The following ATP8A2 variants were observed in gnomAD, a reference collection of about 807,000 sequenced individuals.
ATP8A2 encodes phospholipid-transporting ATPase IB.
A neutral mutation model predicts 165.6 loss-of-function variants in ATP8A2; 100 were observed. The observed-to-expected ratio is 0.60, with a 90% confidence interval of 0.51 to 0.71. The LOEUF is 0.71. Ranked by LOEUF, ATP8A2 falls within the 30% of genes least tolerant of loss-of-function variation. The pLI is 0.00. For synonymous variants in ATP8A2, 543 were observed against 548.8 expected (o/e 0.99, Z 0.15); for missense variants, 1,227 against 1,479.5 (o/e 0.83, Z 2.80).
At chr13:25,794,007 T>C (rs111998180) in intron 27 of ATP8A2, among the ~76,000 whole-genome samples, 2 of 152,134 alleles carry the variant, frequency 1.3e-5, no homozygotes, top group African/African-American at 4.8e-5. Flanking sequence ...GAGAAGGAGG[T>C]AATCGTCATC....
In ATP8A2 at chr13:25,814,203, A is replaced by G. The variant is rs114330110; in HGVS notation, c.2680-13915A>G. Among the ~76,000 whole-genome samples the G allele has an allele frequency of 5.8e-3, 888 of 152,276 alleles. 11 individuals carry two copies. The highest frequency in any genetic ancestry group is 0.02 in the African/African-American group (826 of 41,558). On this transcript the variant is annotated intron_variant, in intron 27 of 36. Transcript: ENST00000381655. Reference sequence around the variant, plus strand: ...TATTTAGAATCCATTAGCCACATTAAAAAGTGATGTAAATTTATTTTATAG... The same window carrying G: ...TATTTAGAATCCATTAGCCACATTAGAAAGTGATGTAAATTTATTTTATAG...
chr13:25,991,489 A>G (rs2139290965), intron 35 of ATP8A2, among the ~76,000 whole-genome samples: 1 of 152,304 alleles, frequency 6.6e-6, no homozygotes, highest in East Asian at 1.9e-4. Flanking sequence ...GTGCTTTTAT[A>G]GGTACCCCTA....
chr13:25,549,849 T>C (rs975832720), intron 10 of ATP8A2, among the ~76,000 whole-genome samples: 1 of 152,220 alleles, frequency 6.6e-6, no homozygotes, highest in African/African-American at 2.4e-5. Flanking sequence ...ATCATTTCTC[T>C]GTCTCCACCT....
At chr13:25,823,401 C>A (rs555854408) in intron 27 of ATP8A2, among the ~76,000 whole-genome samples, 3 of 152,038 alleles carry the variant, frequency 2.0e-5, no homozygotes, top group African/African-American at 7.2e-5. Flanking sequence ...TGGATTTTAT[C>A]TTTTTACCCA....
At chr13:25,476,608 T>C (rs570432170) in intron 2 of ATP8A2, among the ~76,000 whole-genome samples, 2 of 152,234 alleles carry the variant, frequency 1.3e-5, no homozygotes, top group East Asian at 3.9e-4. Flanking sequence ...ACTTTTTTGG[T>C]TTATGTAAAG....
At chr13:25,472,454 A>G (rs2035874380) in intron 2 of ATP8A2, among the ~76,000 whole-genome samples, 1 of 152,094 alleles carries the variant, frequency 6.6e-6, no homozygotes, top group African/African-American at 2.4e-5. Flanking sequence ...AGGATTTGAG[A>G]AAACGTCGAG....
intron 15 of ATP8A2, among the ~76,000 whole-genome samples, chr13:25,560,504 A>C (rs1199873321): frequency 1.3e-5 from 2 of 152,032 alleles, no homozygotes; most frequent in African/African-American, 4.8e-5. Context: ...GTTCGAGACC[A>C]GCCTGGCCAA....
chr13:25,808,534 G>T (rs1268333300), intron 27 of ATP8A2, among the ~76,000 whole-genome samples: 1 of 151,626 alleles, frequency 6.6e-6, no homozygotes, highest in East Asian at 1.9e-4. Context: ...GGGAGGCAGA[G>T]GTTGCAGTGA....
At chr13:25,741,210 TAA>T (rs2043903703) in intron 25 of ATP8A2, among the ~76,000 whole-genome samples, 1 of 152,204 alleles carries the variant, frequency 6.6e-6, no homozygotes, top group Non-Finnish European at 1.5e-5. Context: ...GCACTGGATA[TAA>T]GTCCTGCATT....
intron 33 of ATP8A2, among the ~76,000 whole-genome samples, chr13:25,898,960 T>G (rs2765744): frequency 6.6e-6 from 1 of 152,010 alleles, no homozygotes; most frequent in South Asian, 2.1e-4. Context: ...AGGGAATTCC[T>G]TGACCCCTTG....
At chr13:25,979,789 C>G (rs1299717647) in intron 35 of ATP8A2, among the ~76,000 whole-genome samples, 4 of 152,132 alleles carry the variant, frequency 2.6e-5, no homozygotes, top group Non-Finnish European at 5.9e-5. Context: ...GAAAATGAAC[C>G]AGAGGACATA....
chr13:25,680,706 C>T (rs1169845570), intron 24 of ATP8A2, among the ~76,000 whole-genome samples: 1 of 152,162 alleles, frequency 6.6e-6, no homozygotes, highest in African/African-American at 2.4e-5. Context: ...TCTTGTCATC[C>T]TAAGGCTCCT....
chr13:25,638,727 C>T (rs556736947), intron 24 of ATP8A2, among the ~76,000 whole-genome samples: 173 of 152,180 alleles, frequency 1.1e-3, no homozygotes, highest in African/African-American at 3.6e-3. Context: ...CAAGGCAGGC[C>T]AACATTCAAA....
At chr13:25,988,411 T>C (rs1956312123) in intron 35 of ATP8A2, among the ~76,000 whole-genome samples, 1 of 152,202 alleles carries the variant, frequency 6.6e-6, no homozygotes, top group Admixed American at 6.5e-5. Context: ...TGATGACATG[T>C]GGGAAAGTCT....
At position 25,570,761 on chromosome 13, in the gene ATP8A2, T is replaced by C; in HGVS notation, c.1474-6T>C. On this transcript the variant is annotated splice_polypyrimidine_tract_variant and splice_region_variant and intron_variant, in intron 16 of 36. Transcript: ENST00000381655. ...ATCTGACACTAATCCCGCCTCACGT[T>C]TGCAGCCCACAGCCCCTTGCATTCA... 6.2e-7 allele frequency: 1 copy of C among 1,611,416 alleles called. No individual in the cohort carries two copies.
chr13:25,812,153 G>A (rs764515665), intron 27 of ATP8A2, among the ~76,000 whole-genome samples: 5 of 150,914 alleles, frequency 3.3e-5, no homozygotes, highest in Non-Finnish European at 5.9e-5. Context: ...TTCTTGTTCA[G>A]GTTTCAGTTT....
intron 16 of ATP8A2, among the ~76,000 whole-genome samples, chr13:25,565,097 A>G (rs891150502): frequency 6.6e-6 from 1 of 152,100 alleles, no homozygotes; most frequent in African/African-American, 2.4e-5. Context: ...ATGTATGTAT[A>G]TGTGTATATA....
At chr13:25,616,732 C>T (rs1027849600) in intron 24 of ATP8A2, among the ~76,000 whole-genome samples, 1 of 152,160 alleles carries the variant, frequency 6.6e-6, no homozygotes, top group Non-Finnish European at 1.5e-5. Flanking sequence ...TTCTAGGATG[C>T]TTCAATTTCA....
chr13:25,686,522 G>C (rs936197651), intron 24 of ATP8A2, among the ~76,000 whole-genome samples: 3 of 152,108 alleles, frequency 2.0e-5, no homozygotes, highest in Non-Finnish European at 4.4e-5. Flanking sequence ...TATTTCTCAG[G>C]GGTAACAAGT....
Sources: gnomAD v4.1 joint callset for allele counts (sites outside exome capture counted in the v4.1 genomes callset) on GRCh38, gnomAD v4.1.1 for gene constraint, MANE v1.5 for transcripts, NCBI Gene and HGNC (gene_info 2026-07-23, HGNC 2026-07-21) for gene names.